The following LBR variants were observed in gnomAD, a reference collection of about 807,000 sequenced individuals.
LBR encodes the protein lamin B receptor.
A neutral mutation model predicts 74.3 loss-of-function variants in LBR; 28 were observed. The ratio of observed to expected loss-of-function variants is 0.38; its 90% CI spans 0.28 to 0.52. The LOEUF (loss-of-function observed/expected upper bound fraction) is 0.52. Among genes scored for constraint, LBR ranks in the 20% least tolerant of loss-of-function variants. The probability of loss-of-function intolerance (pLI) is 0.89; values close to 1 mark genes in which losing one functional copy is unlikely to be tolerated. For synonymous variants in LBR, 228 were observed against 269.3 expected (o/e 0.85, Z 1.50); for missense variants, 717 against 760.3 (o/e 0.94, Z 0.67).
intron 4 of LBR, 102 bp from the exon 5 acceptor site, chr1:225,419,554 GAATA>G: frequency 8.1e-6 from 8 of 983,046 alleles, no homozygotes; most frequent in Non-Finnish European, 1.3e-5. Context: ...ACACTAGTAA[GAATA>G]AATTTGTGAA....
In LBR at chr1:225,403,045, T is replaced by C; in HGVS notation, c.*258A>G. 1 of 480,388 alleles carries C rather than the reference T, an allele frequency of 2.1e-6. No homozygotes were observed. The highest frequency in any genetic ancestry group is 2.3e-5 in the South Asian group (1 of 42,702). The allele number at this position is 480,388 out of a possible 1,614,324, so 29.8% of individuals were successfully genotyped here. A position where few individuals can be genotyped will look rare whatever the true frequency, so the allele number is the denominator to read the frequency against. ...TTAAGACTGTCTTCTGTTTTCAGAT[T>C]AAGGGTTGAAAATTTCCCATTAAAA... On this transcript the variant is annotated 3_prime_UTR_variant, in exon 14 of 14. Coordinates refer to ENST00000272163, the MANE Select transcript of LBR (RefSeq NM_002296.4).
intron 7 of LBR, chr1:225,414,126 G>A (rs2150951633): frequency 4.4e-6 from 2 of 456,678 alleles, no homozygotes; most frequent in Middle Eastern, 3.3e-4. Context: ...AAAGAATTTG[G>A]TAAAAGCAAC....
chr1:225,411,330 G>C lies in LBR; in HGVS notation c.1188+7C>G. On this transcript the variant is annotated splice_region_variant and intron_variant, in intron 9 of 13. Transcript: ENST00000272163. ...TTGAAATTTAGAAGAAAAAAAACCA[G>C]ACATACCCATCCAATCAATCCGGGG... 1.3e-6 allele frequency: 2 copies of C among 1,596,490 alleles called. No homozygotes were observed. The highest frequency in any genetic ancestry group is 1.7e-6 in the Non-Finnish European group (2 of 1,163,990).
rs953397130 is a variant in LBR, at chr1:225,403,571, T to C, written c.1688-108A>G. The C allele has an allele frequency of 5.3e-5, 43 of 814,208 alleles. 1 individual carries two copies. The highest frequency in any genetic ancestry group is 1.2e-5 in the Non-Finnish European group (6 of 496,622). 50.4% of individuals were successfully genotyped at this position (814,208 alleles called of 1,614,324 possible). On this transcript the variant is annotated intron_variant, in intron 13 of 13. Transcript: ENST00000272163. The stretch of plus-strand genomic sequence containing the variant: ...AAAAATGGAACCACAAGGTACTTCA[T>C]TTTCTCTAATAATGATGAGAATAAT...
chr1:225,404,222 T>G (rs1011300949), intron 13 of LBR, among the ~76,000 whole-genome samples, 182 bp downstream of exon 13: 1 of 152,144 alleles, frequency 6.6e-6, no homozygotes, highest in African/African-American at 2.4e-5. Context: ...AACTTCAGGC[T>G]CTGTGAATTC....
At chr1:225,424,391 T>C (rs1481756858) in intron 1 of LBR, among the ~76,000 whole-genome samples, 1 of 152,198 alleles carries the variant, frequency 6.6e-6, no homozygotes, top group Non-Finnish European at 1.5e-5. Context: ...TGAGGCACAA[T>C]CTCACAAAGA....
chr1:225,414,101 A>G (rs1238188688), intron 7 of LBR: 1 of 456,712 alleles, frequency 2.2e-6, no homozygotes, highest in Non-Finnish European at 4.4e-6. Context: ...AGGTTCTAAA[A>G]CTTGCTCCAT....
intron 7 of LBR, among the ~76,000 whole-genome samples, chr1:225,413,252 G>T (rs565355305): frequency 6.6e-6 from 1 of 152,348 alleles, no homozygotes; most frequent in Non-Finnish European, 1.5e-5. Flanking sequence ...AGTACCTGGG[G>T]GGTAGGGACA....
chr1:225,426,751 C>T (rs1355508571), intron 1 of LBR, among the ~76,000 whole-genome samples: 1 of 152,190 alleles, frequency 6.6e-6, no homozygotes, highest in African/African-American at 2.4e-5. Flanking sequence ...ACAGGAACCC[C>T]GGGCCTTGCT....
Position 225,412,420 on chromosome 1 carries a change from G to A in LBR, c.1084+34C>T, listed in dbSNP as rs373757813. The A allele has an allele frequency of 7.7e-4, 1,222 of 1,596,638 alleles. 17 individuals are homozygous for A. The South Asian group carries it at 0.012, about 16-fold the overall frequency. ...AATGGCTGCTGGAGGGCTCTGGGAC[G>A]CATTCATCCAACATGCAATTCATCA... is the stretch of plus-strand genomic sequence containing the variant. On this transcript the variant is annotated intron_variant, in intron 8 of 13. Transcript: ENST00000272163.
chr1:225,426,206 C>A (rs546466096), intron 1 of LBR, among the ~76,000 whole-genome samples: 1 of 151,638 alleles, frequency 6.6e-6, no homozygotes, highest in South Asian at 2.1e-4. Flanking sequence ...GATGTGCACC[C>A]CCACTTTACA....
chr1:225,408,411 T>C (rs1305395304), intron 10 of LBR, among the ~76,000 whole-genome samples: 1 of 152,046 alleles, frequency 6.6e-6, no homozygotes, highest in East Asian at 1.9e-4. Context: ...GTGTGGTGAG[T>C]GGCAGTGAGA....
intron 13 of LBR, 31 bp from the exon 14 acceptor site, chr1:225,403,494 T>C: frequency 1.3e-6 from 2 of 1,524,734 alleles, no homozygotes; most frequent in Non-Finnish European, 9.1e-7. Context: ...CAGTATTAGA[T>C]ATTTTTATTA....
At position 225,419,395 on chromosome 1, in the gene LBR, G is replaced by A. The variant is rs747160424; in HGVS notation, c.508C>T (p.Pro170Ser). Residue 170 changes from proline (P) to serine (S), a missense_variant, in exon 5 of 14, where the codon CCA becomes TCA. By Grantham distance (74) the Pro-to-Ser change is moderately conservative (BLOSUM62 -1). Transcript: ENST00000272163. Reference sequence around the variant, plus strand: ...TTTAATTTGACTTCTTCTCTTCTTGGACGAAGGCTATACTGTGTTGCTATG... The same window carrying A: ...TTTAATTTGACTTCTTCTCTTCTTGAACGAAGGCTATACTGTGTTGCTATG... Reference protein sequence around the residue: ...SYIATQYSLRPRREEVKLKEI... With the variant: ...SYIATQYSLRSRREEVKLKEI... The A allele has an allele frequency of 6.2e-7, 1 of 1,613,704 alleles. No individual in the cohort carries two copies. Among genetic ancestry groups the A allele is most frequent in the East Asian group, 2.2e-5 (1 of 44,896 alleles).
chr1:225,415,630 T>C (rs954910849), intron 6 of LBR, among the ~76,000 whole-genome samples: 2 of 152,150 alleles, frequency 1.3e-5, no homozygotes, highest in African/African-American at 4.8e-5. Flanking sequence ...TACCACCACC[T>C]CAAGACTAAA....
At chr1:225,427,023 G>A (rs2150962467) in intron 1 of LBR, among the ~76,000 whole-genome samples, 1 of 152,342 alleles carries the variant, frequency 6.6e-6, no homozygotes, top group African/African-American at 2.4e-5. Flanking sequence ...ATCTACACGT[G>A]TTTACGTGCA....
At position 225,404,416 on chromosome 1, in the gene LBR, A is replaced by T; in HGVS notation, c.1675T>A (p.Ser559Thr). Residue 559 changes from serine to threonine, a missense_variant, in exon 13 of 14, where the codon TCC (serine) becomes ACC (threonine). Ser to Thr is a moderately conservative substitution (Grantham distance 58). Coordinates refer to ENST00000272163, the MANE Select transcript of LBR (RefSeq NM_002296.4). The stretch of plus-strand genomic sequence containing the variant: ...CTGAAATGCTTACCACATGGGAGGG[A>T]CCACGCCAAGGCCATGATGAGATCA... ...LGDLIMALAW[S>T]LPCGFNHILP... is the part of the protein sequence containing the mutation. The T allele has an allele frequency of 6.2e-7, 1 of 1,614,120 alleles. No individual in the cohort carries two copies. Among genetic ancestry groups the T allele is most frequent in the Non-Finnish European group, 8.5e-7 (1 of 1,180,040 alleles).
chr1:225,422,177 C>T lies in LBR; in HGVS notation c.266G>A (p.Arg89Gln), dbSNP rs766513028. The change falls in exon 3 of 14, where the codon CGA becomes CAA. Residue 89 changes from arginine to glutamine, a missense_variant. Physicochemically the swap from Arg to Gln is conservative, Grantham distance 43. Coordinates refer to ENST00000272163, the MANE Select transcript of LBR (RefSeq NM_002296.4). ...RSRSRSRSPG[R>Q]PPKSARRSAS... The stretch of plus-strand genomic sequence containing the variant: ...AGATCGGCGGGCACTTTTAGGTGGT[C>T]GACCAGGGGATCGGGAGCGTGACCT... 2.0e-5 allele frequency: 33 copies of T among 1,613,262 alleles called. No homozygotes were observed. The highest frequency in any genetic ancestry group is 2.5e-5 in the Non-Finnish European group (30 of 1,179,490).
intron 10 of LBR, among the ~76,000 whole-genome samples, chr1:225,408,788 T>C (rs1461066259): frequency 6.6e-6 from 1 of 152,268 alleles, no homozygotes; most frequent in East Asian, 1.9e-4. Flanking sequence ...TTAAGCGTTT[T>C]GCCTTAAGAT....
Sources: allele counts gnomAD v4.1 joint callset (sites outside exome capture counted in the v4.1 genomes callset), GRCh38; gene constraint gnomAD v4.1.1; transcripts MANE v1.5; gene names NCBI Gene and HGNC (gene_info 2026-07-23, HGNC 2026-07-21).